Variants in DTD1 observed in about 807,000 individuals in gnomAD.
The protein encoded by DTD1 is D-aminoacyl-tRNA deacylase 1, also known as D-tyrosyl-tRNA deacylase 1 homolog.
Under a neutral mutation model 25.6 loss-of-function variants are expected in DTD1, and 13 were observed. The ratio of observed to expected loss-of-function variants is 0.51; its 90% CI spans 0.33 to 0.81. The LOEUF is 0.81. Among genes scored for constraint, DTD1 ranks in the 30% least tolerant of loss-of-function variants. The probability of loss-of-function intolerance (pLI) is 0.02; values close to 1 mark genes in which losing one functional copy is unlikely to be tolerated. For synonymous variants in DTD1, 110 were observed against 103.6 expected, an observed-to-expected ratio of 1.06 and a Z score of -0.37; for missense variants, 193 against 266.4, an observed-to-expected ratio of 0.72 and a Z score of 1.92.
At chr20:18,629,344 A>G (rs574856672) in intron 4 of DTD1, among the ~76,000 whole-genome samples, 16 of 120,798 alleles carry the variant, frequency 1.3e-4, no homozygotes, top group African/African-American at 5.2e-4. Flanking sequence ...TCTGTCACCC[A>G]GGCTGGAGTG....
intron 4 of DTD1, among the ~76,000 whole-genome samples, chr20:18,711,602 C>T (rs1229734184): frequency 6.6e-6 from 1 of 152,194 alleles, no homozygotes; most frequent in Non-Finnish European, 1.5e-5. Context: ...AGTGTCAGGA[C>T]AGTGTTTTTA....
At chr20:18,630,499 A>G (rs2060781828) in intron 4 of DTD1, 1 of 151,990 alleles carries the variant, frequency 6.6e-6, no homozygotes, top group African/African-American at 2.4e-5. Context: ...AGCTGGGACT[A>G]TAGGCACGTG....
chr20:18,708,287 A>ACATATATAT (rs2061141246), intron 4 of DTD1, among the ~76,000 whole-genome samples: 1 of 18,516 alleles, frequency 5.4e-5, no homozygotes, highest in Non-Finnish European at 1.3e-4. Flanking sequence ...AATATATATT[A>ACATATATAT]TATATATATA....
At chr20:18,712,477 C>T (rs1457462693) in intron 4 of DTD1, among the ~76,000 whole-genome samples, 1 of 152,008 alleles carries the variant, frequency 6.6e-6, no homozygotes, top group Non-Finnish European at 1.5e-5. Context: ...CTTGCTCCCG[C>T]AGTGGTCTCT....
chr20:18,629,010 T>G (rs2060771397), intron 4 of DTD1, among the ~76,000 whole-genome samples: 1 of 149,026 alleles, frequency 6.7e-6, no homozygotes, highest in Non-Finnish European at 1.5e-5. Context: ...TTTTTTTTTT[T>G]TTTGAGATGG....
intron 4 of DTD1, among the ~76,000 whole-genome samples, chr20:18,701,333 C>CAAT (rs1366580698): frequency 6.6e-6 from 1 of 152,184 alleles, no homozygotes; most frequent in East Asian, 1.9e-4. Context: ...ACAAGCACCC[C>CAAT]AATAAGGGGG....
At chr20:18,631,312 G>A in intron 4 of DTD1, 1 of 984,640 alleles carries the variant, frequency 1.0e-6, no homozygotes, top group Non-Finnish European at 1.2e-6. Context: ...GTGACATAGA[G>A]CATAAAACGA....
intron 3 of DTD1, among the ~76,000 whole-genome samples, chr20:18,608,914 A>G (rs765817552): frequency 2.0e-5 from 3 of 152,194 alleles, no homozygotes; most frequent in Non-Finnish European, 4.4e-5. Context: ...CTGGGGATAA[A>G]TTGCACTAAA....
At chr20:18,639,867 C>T (rs995634789) in intron 4 of DTD1, among the ~76,000 whole-genome samples, 2 of 152,104 alleles carry the variant, frequency 1.3e-5, no homozygotes, top group Admixed American at 1.3e-4. Context: ...ATGATACTCA[C>T]ATAATATCCC....
chr20:18,635,816 AT>A (rs1051669378), intron 4 of DTD1, among the ~76,000 whole-genome samples: 1 of 152,210 alleles, frequency 6.6e-6, no homozygotes, highest in African/African-American at 2.4e-5. Context: ...TTGGGGACCC[AT>A]TGATGAATTG....
At chr20:18,647,150 A>G (rs542600840) in intron 4 of DTD1, among the ~76,000 whole-genome samples, 18 of 152,334 alleles carry the variant, frequency 1.2e-4, no homozygotes, top group Non-Finnish European at 1.6e-4. Flanking sequence ...TCCAAAATGT[A>G]TTGGTGTTTT....
intron 3 of DTD1, among the ~76,000 whole-genome samples, 170 bp from the exon 4 acceptor site, chr20:18,627,957 G>A (rs1173585281): frequency 6.6e-6 from 1 of 152,092 alleles, no homozygotes; most frequent in Non-Finnish European, 1.5e-5. Context: ...TGATTGTGAG[G>A]CCTTCCCAGC....
rs77358169 is a variant in DTD1 at position 18,592,058 on chromosome 20, T to C, written c.44-1673T>C. Among the ~76,000 whole-genome samples the C allele has an allele frequency of 4.5e-3, 688 of 152,362 alleles. 6 individuals are homozygous for C. The highest frequency in any genetic ancestry group is 0.016 in the African/African-American group (652 of 41,590). On this transcript the variant is annotated intron_variant, in intron 1 of 5. Coordinates refer to ENST00000377452, the MANE Select transcript of DTD1 (RefSeq NM_080820.6). ...TGAATAGCAGGTGGTCTCTTGCCAT[T>C]GCAACTGAAGAAAGAGGGAAGTTTC...
intron 4 of DTD1, among the ~76,000 whole-genome samples, chr20:18,634,736 GA>G (rs2060800776): frequency 6.6e-6 from 1 of 152,134 alleles, no homozygotes; most frequent in Non-Finnish European, 1.5e-5. Flanking sequence ...GGGTGTGGGG[GA>G]AAAGAATTAC....
At chr20:18,636,305 A>G (rs1223318576) in intron 4 of DTD1, among the ~76,000 whole-genome samples, 1 of 152,194 alleles carries the variant, frequency 6.6e-6, no homozygotes, top group African/African-American at 2.4e-5. Flanking sequence ...CAGTATTTTA[A>G]TTGGGAATTC....
intron 4 of DTD1, among the ~76,000 whole-genome samples, chr20:18,685,614 A>G (rs6081299): frequency 0.36 from 55,003 of 152,022 alleles, 10,278 homozygotes; most frequent in Non-Finnish European, 0.41. Flanking sequence ...GTGCATTTGG[A>G]TTTTGTTGTT....
chr20:18,739,658 C>T (rs1292618876), intron 4 of DTD1, among the ~76,000 whole-genome samples: 2 of 152,162 alleles, frequency 1.3e-5, no homozygotes, highest in South Asian at 4.1e-4. Context: ...ACATGCATCT[C>T]CTCTTAATTT....
chr20:18,679,839 C>T (rs2060989819), intron 4 of DTD1, among the ~76,000 whole-genome samples: 1 of 152,204 alleles, frequency 6.6e-6, no homozygotes, highest in Admixed American at 6.5e-5. Flanking sequence ...GATATAGGAG[C>T]AGGAGCTGTT....
chr20:18,640,097 A>G (rs188590069), intron 4 of DTD1, among the ~76,000 whole-genome samples: 14 of 148,006 alleles, frequency 9.5e-5, no homozygotes, highest in Non-Finnish European at 7.5e-5. Flanking sequence ...GCCCCCCTTC[A>G]TTTTCTCTTG....
Sources: allele counts gnomAD v4.1 joint callset (sites outside exome capture counted in the v4.1 genomes callset), GRCh38; gene constraint gnomAD v4.1.1; transcripts MANE v1.5; gene names NCBI Gene and HGNC (gene_info 2026-07-23, HGNC 2026-07-21).